Variants in NAALADL2 observed in about 807,000 individuals in gnomAD.
NAALADL2 encodes the protein inactive N-acetylated-alpha-linked acidic dipeptidase-like protein 2.
NAALADL2 carries 76 observed loss-of-function variants against 87.2 expected under a neutral mutation model. The observed-to-expected ratio is 0.87, with a 90% CI of 0.72 to 1.05. The LOEUF is 1.05. Among genes scored for constraint, NAALADL2 ranks in the 50% least tolerant of loss-of-function variants. NAALADL2 has a pLI of 0.00. For synonymous variants in NAALADL2, 354 were observed against 331.0 expected, an observed-to-expected ratio of 1.07 and a Z score of -0.75; for missense variants, 1,089 against 945.8, an observed-to-expected ratio of 1.15 and a Z score of -1.99.
intron 3 of NAALADL2, among the ~76,000 whole-genome samples, chr3:174,805,674 A>G (rs776771407): frequency 6.6e-6 from 1 of 152,158 alleles, no homozygotes; most frequent in Non-Finnish European, 1.5e-5. Flanking sequence ...CAAAAGCATA[A>G]TCAACTTGCA....
chr3:174,712,833 A>G (rs1323324343), intron 2 of NAALADL2, among the ~76,000 whole-genome samples: 1 of 152,060 alleles, frequency 6.6e-6, no homozygotes, highest in Non-Finnish European at 1.5e-5. Context: ...TTTAAGTTTT[A>G]GGGTACATGT....
intron 1 of NAALADL2, among the ~76,000 whole-genome samples, chr3:174,454,613 A>G (rs141045453): frequency 4.6e-5 from 7 of 152,212 alleles, no homozygotes; most frequent in African/African-American, 1.4e-4. Context: ...TTACATGGAA[A>G]TTGAATAACC....
At chr3:175,794,015 A>AAAT (rs1753148571) in intron 13 of NAALADL2, among the ~76,000 whole-genome samples, 1 of 152,220 alleles carries the variant, frequency 6.6e-6, no homozygotes, top group African/African-American at 2.4e-5. Context: ...TAAATGAAAA[A>AAAT]AATAAAGCTG....
chr3:175,662,861 A>C (rs1437312954), intron 11 of NAALADL2, among the ~76,000 whole-genome samples: 8 of 151,882 alleles, frequency 5.3e-5, no homozygotes, highest in Admixed American at 3.3e-4. Context: ...CATGTGAATA[A>C]ATTTTTAATG....
At chr3:175,453,034 G>T (rs764478265) in intron 6 of NAALADL2, among the ~76,000 whole-genome samples, 5 of 152,028 alleles carry the variant, frequency 3.3e-5, no homozygotes, top group Non-Finnish European at 7.4e-5. Context: ...TAGAGTTTTT[G>T]TTTGTTTGCT....
intron 2 of NAALADL2, among the ~76,000 whole-genome samples, chr3:174,694,417 T>C (rs1049761122): frequency 6.6e-6 from 1 of 152,094 alleles, no homozygotes; most frequent in South Asian, 2.1e-4. Context: ...TTTGCATACC[T>C]ATTATGTAAT....
intron 3 of NAALADL2, among the ~76,000 whole-genome samples, chr3:174,765,860 T>C (rs185677386): frequency 5.9e-5 from 9 of 152,220 alleles, no homozygotes; most frequent in Admixed American, 2.0e-4. Flanking sequence ...ACTGTGCCAG[T>C]AAAAGAAATG....
At chr3:174,699,103 A>G (rs1406761448) in intron 2 of NAALADL2, among the ~76,000 whole-genome samples, 2 of 152,232 alleles carry the variant, frequency 1.3e-5, no homozygotes, top group Middle Eastern at 6.8e-3. Context: ...CGATCCTGCA[A>G]ATATTTAGTA....
chr3:174,989,284 G>A (rs1019308023), intron 1 of NAALADL2, among the ~76,000 whole-genome samples: 13 of 152,148 alleles, frequency 8.5e-5, no homozygotes, highest in Admixed American at 7.2e-4. Flanking sequence ...CACATTGTGA[G>A]GTACTGTCAG....
chr3:174,960,898 G>A (rs1741877066), intron 1 of NAALADL2, among the ~76,000 whole-genome samples: 1 of 151,738 alleles, frequency 6.6e-6, no homozygotes, highest in Non-Finnish European at 1.5e-5. Flanking sequence ...TTTGCTGTGT[G>A]TCACTGTGCC....
intron 2 of NAALADL2, among the ~76,000 whole-genome samples, chr3:175,196,054 C>G (rs1403600729): frequency 6.6e-6 from 1 of 151,886 alleles, no homozygotes; most frequent in African/African-American, 2.4e-5. Context: ...ATTAAATAAA[C>G]TTTAAAAGAT....
chr3:175,211,613 C>T (rs1308382806), intron 2 of NAALADL2, among the ~76,000 whole-genome samples: 1 of 151,882 alleles, frequency 6.6e-6, no homozygotes, highest in Non-Finnish European at 1.5e-5. Flanking sequence ...TATATAGTGT[C>T]ATCTATTCCC....
intron 5 of NAALADL2, among the ~76,000 whole-genome samples, chr3:175,413,049 C>T (rs1236657433): frequency 6.7e-6 from 1 of 149,408 alleles, no homozygotes; most frequent in African/African-American, 2.5e-5. Flanking sequence ...TTCCCACGCC[C>T]GGTTAATTTT....
chr3:175,050,797 G>C (rs114206465), intron 1 of NAALADL2, among the ~76,000 whole-genome samples: 4 of 152,162 alleles, frequency 2.6e-5, no homozygotes, highest in Non-Finnish European at 5.9e-5. Flanking sequence ...ATCTAATTGA[G>C]AGTGTTATCT....
intron 2 of NAALADL2, among the ~76,000 whole-genome samples, chr3:174,704,787 G>A (rs1308193287): frequency 6.6e-6 from 1 of 152,090 alleles, no homozygotes; most frequent in Non-Finnish European, 1.5e-5. Flanking sequence ...TCATAGAACA[G>A]TAAGTCCTCT....
chr3:174,595,970 C>T lies in NAALADL2; in HGVS notation c.-115+45333C>T, dbSNP rs951022233. 7.9e-5 allele frequency among the ~76,000 whole-genome samples: 12 copies of T among 152,230 alleles called. No individual in the cohort carries two copies. In the East Asian group the frequency reaches 2.1e-3, roughly 27 times the overall value. On this transcript the variant is annotated intron_variant, in intron 2 of 3. Transcript: ENST00000434257. ...GAGGTTGTGGTGAGCTGAGATCATG[C>T]CATTGCACTCCAGCCTGGGCACAAG...
intron 5 of NAALADL2, among the ~76,000 whole-genome samples, chr3:175,392,599 C>T (rs1769213640): frequency 6.6e-6 from 1 of 152,164 alleles, no homozygotes; most frequent in Non-Finnish European, 1.5e-5. Context: ...ACTTGTCTAA[C>T]ATTGACTTTT....
At chr3:175,679,783 T>C (rs1196729069) in intron 11 of NAALADL2, among the ~76,000 whole-genome samples, 3 of 152,178 alleles carry the variant, frequency 2.0e-5, no homozygotes, top group Non-Finnish European at 4.4e-5. Context: ...CTAGTGATTT[T>C]CTTACCATGA....
chr3:174,639,202 CTTAA>C (rs1254649644), intron 2 of NAALADL2, among the ~76,000 whole-genome samples: 1 of 152,136 alleles, frequency 6.6e-6, no homozygotes, highest in African/African-American at 2.4e-5. Context: ...TTCTGGTTGG[CTTAA>C]TTAAAGTTGT....
Sources: allele counts gnomAD v4.1 joint callset (sites outside exome capture counted in the v4.1 genomes callset), GRCh38; gene constraint gnomAD v4.1.1; transcripts MANE v1.5; gene names NCBI Gene and HGNC (gene_info 2026-07-23, HGNC 2026-07-21).